Variants in GRIK4 observed in about 807,000 individuals in gnomAD.
The protein encoded by GRIK4 is glutamate receptor ionotropic, kainate 4.
In GRIK4, 40 loss-of-function variants were observed where a neutral mutation model predicts 104.9. The ratio of observed to expected loss-of-function variants is 0.38; its 90% CI spans 0.30 to 0.50. The LOEUF (loss-of-function observed/expected upper bound fraction) is 0.50, where lower values mean the gene tolerates loss of function less well. Among genes scored for constraint, GRIK4 ranks in the 20% least tolerant of loss-of-function variants. The pLI is 0.93. For synonymous variants in GRIK4, 485 were observed against 524.9 expected (o/e 0.92, Z 1.04); for missense variants, 1,047 against 1,308.1 (o/e 0.80, Z 3.08).
intron 8 of GRIK4, among the ~76,000 whole-genome samples, chr11:120,838,691 AAAGAAAC>A (rs1344506593): frequency 1.3e-5 from 2 of 152,230 alleles, no homozygotes; most frequent in African/African-American, 4.8e-5. Flanking sequence ...TAATAGGAGT[AAAGAAAC>A]TGTTTTTAGG....
At chr11:120,571,581 C>T (rs1182242412) in intron 1 of GRIK4, among the ~76,000 whole-genome samples, 1 of 152,096 alleles carries the variant, frequency 6.6e-6, no homozygotes, top group Non-Finnish European at 1.5e-5. Flanking sequence ...TTCCTCCTCC[C>T]CCAAGCTATG....
chr11:120,733,939 T>C (rs150040520), intron 3 of GRIK4, among the ~76,000 whole-genome samples: 4,125 of 152,248 alleles, frequency 0.027, 179 homozygotes, highest in African/African-American at 0.093. Flanking sequence ...GGTTTCATCA[T>C]GTTGGCCAGA....
rs551495582 is a variant in GRIK4, at chr11:120,529,382, G to A, written c.-159+17495G>A. Among the ~76,000 whole-genome samples the A allele has an allele frequency of 6.6e-5, 10 of 152,298 alleles. No homozygotes were observed. The East Asian group carries it at 9.7e-4, about 15-fold the overall frequency. The stretch of plus-strand genomic sequence containing the variant: ...AGCAAGCCCAGCCGCTGTGCCCATC[G>A]ACATTAGAGGGATTGCCCTTGGCTG... On this transcript the variant is annotated intron_variant, in intron 1 of 20. Coordinates refer to ENST00000527524, the MANE Select transcript of GRIK4 (RefSeq NM_014619.5).
intron 1 of GRIK4, among the ~76,000 whole-genome samples, chr11:120,635,143 G>A (rs892159105): frequency 1.3e-5 from 2 of 152,150 alleles, no homozygotes; most frequent in Admixed American, 6.5e-5. Context: ...AAAGGGTCGG[G>A]TTCCTTCTCT....
chr11:120,615,737 G>A (rs557040542), intron 1 of GRIK4, among the ~76,000 whole-genome samples: 1 of 152,272 alleles, frequency 6.6e-6, no homozygotes, highest in South Asian at 2.1e-4. Context: ...GCTTGTGGGT[G>A]GGGATCCCCA....
intron 1 of GRIK4, among the ~76,000 whole-genome samples, chr11:120,601,400 C>T (rs953139880): frequency 6.6e-6 from 1 of 152,060 alleles, no homozygotes; most frequent in Non-Finnish European, 1.5e-5. Flanking sequence ...AGCGAGACTC[C>T]ATCTCAAACG....
intron 3 of GRIK4, among the ~76,000 whole-genome samples, chr11:120,785,001 G>A (rs1018380588): frequency 6.6e-6 from 1 of 152,172 alleles, no homozygotes; most frequent in Non-Finnish European, 1.5e-5. Flanking sequence ...GAGGTAACAG[G>A]CAGACCTTGC....
At chr11:120,713,548 C>A (rs559156716) in intron 3 of GRIK4, among the ~76,000 whole-genome samples, 2 of 152,112 alleles carry the variant, frequency 1.3e-5, no homozygotes, top group East Asian at 3.8e-4. Flanking sequence ...CTTTACCAGG[C>A]GAGGTTTAAT....
intron 13 of GRIK4, chr11:120,936,006 G>C (rs1484976528): frequency 1.4e-5 from 3 of 210,642 alleles, no homozygotes; most frequent in Non-Finnish European, 2.9e-5. Flanking sequence ...TGATATACAA[G>C]AAAAAATGCT....
intron 1 of GRIK4, among the ~76,000 whole-genome samples, chr11:120,545,557 A>G (rs1363852862): frequency 1.3e-5 from 2 of 152,330 alleles, no homozygotes; most frequent in East Asian, 3.9e-4. Context: ...TATGAGGAAA[A>G]CAGACTCAGG....
intron 1 of GRIK4, among the ~76,000 whole-genome samples, chr11:120,640,169 A>G (rs1949453200): frequency 6.6e-6 from 1 of 152,224 alleles, no homozygotes; most frequent in South Asian, 2.1e-4. Context: ...AAGGAACAAC[A>G]GTTGTTGCCA....
At chr11:120,810,918 C>T (rs1034262038) in intron 4 of GRIK4, among the ~76,000 whole-genome samples, 1 of 152,074 alleles carries the variant, frequency 6.6e-6, no homozygotes, top group African/African-American at 2.4e-5. Flanking sequence ...TAGTTTGTTG[C>T]CTACATTCAA....
At chr11:120,646,856 C>T (rs1949551116) in intron 1 of GRIK4, among the ~76,000 whole-genome samples, 1 of 152,188 alleles carries the variant, frequency 6.6e-6, no homozygotes, top group Non-Finnish European at 1.5e-5. Context: ...TGTTATCAAA[C>T]CATTTTTCAC....
intron 11 of GRIK4, among the ~76,000 whole-genome samples, chr11:120,891,781 G>A (rs143413353): frequency 3.9e-5 from 6 of 152,160 alleles, no homozygotes; most frequent in African/African-American, 1.4e-4. Context: ...GGAGGAGTCC[G>A]ACTTTGAGGG....
At chr11:120,910,146 T>C (rs912340652) in intron 13 of GRIK4, among the ~76,000 whole-genome samples, 2 of 152,234 alleles carry the variant, frequency 1.3e-5, no homozygotes, top group African/African-American at 4.8e-5. Flanking sequence ...TTGAACTTTC[T>C]TCCCAGCCTT....
At position 120,756,715 on chromosome 11, in the gene GRIK4, C is replaced by A. The variant is rs543148821; in HGVS notation, c.83-45978C>A. On this transcript the variant is annotated intron_variant, in intron 3 of 20. Transcript: ENST00000527524. ...TCTATAGGGGACACAGAGCTCAGAT[C>A]CTGACACTGAGACTCCTGGATGTTT... 2.0e-5 allele frequency among the ~76,000 whole-genome samples: 3 copies of A among 152,310 alleles called. No individual in the cohort carries two copies. The South Asian group carries it at 6.2e-4, about 32-fold the overall frequency.
At chr11:120,697,472 G>A (rs765920011) in intron 3 of GRIK4, among the ~76,000 whole-genome samples, 2 of 152,134 alleles carry the variant, frequency 1.3e-5, no homozygotes, top group African/African-American at 4.8e-5. Context: ...AAAATTAGCT[G>A]GGTACGGTGG....
At chr11:120,566,731 G>A (rs1339226304) in intron 1 of GRIK4, among the ~76,000 whole-genome samples, 3 of 144,594 alleles carry the variant, frequency 2.1e-5, no homozygotes, top group Non-Finnish European at 3.0e-5. Context: ...TTGAGACGGC[G>A]TCTCACTCTG....
intron 14 of GRIK4, among the ~76,000 whole-genome samples, chr11:120,941,770 G>A (rs1332108033): frequency 6.6e-6 from 1 of 152,078 alleles, no homozygotes; most frequent in Non-Finnish European, 1.5e-5. Context: ...AAAGCTAGAG[G>A]AGACAAGGAA....
Sources: gnomAD v4.1 joint callset for allele counts (sites outside exome capture counted in the v4.1 genomes callset) on GRCh38, gnomAD v4.1.1 for gene constraint, MANE v1.5 for transcripts, NCBI Gene and HGNC (gene_info 2026-07-23, HGNC 2026-07-21) for gene names.